MTUS2: variants seen among roughly 807,000 people sequenced by gnomAD.
MTUS2 encodes the protein microtubule associated scaffold protein 2.
In MTUS2, 40 loss-of-function variants were observed where a neutral mutation model predicts 114.1. That is an observed-to-expected ratio of 0.35 (90% confidence interval 0.27 to 0.46). MTUS2 has a LOEUF of 0.46. MTUS2 is among the 20% of genes least tolerant of loss of function. The pLI is 1.00. For missense variants in MTUS2, 1,679 were observed against 1,705.4 expected (o/e 0.98, Z 0.27); for synonymous variants, 688 against 672.0 (o/e 1.02, Z -0.37).
At chr13:29,092,266 C>G (rs1158399403) in intron 4 of MTUS2, among the ~76,000 whole-genome samples, 3 of 152,208 alleles carry the variant, frequency 2.0e-5, no homozygotes, top group Admixed American at 2.0e-4. Context: ...TTTACATATT[C>G]CTACTCTTCC....
chr13:29,150,322 A>C (rs1033277168), intron 5 of MTUS2, among the ~76,000 whole-genome samples: 1 of 151,864 alleles, frequency 6.6e-6, no homozygotes, highest in Admixed American at 6.6e-5. Flanking sequence ...GCATTTTTTC[A>C]TATGTTTATT....
intron 8 of MTUS2, among the ~76,000 whole-genome samples, chr13:29,393,554 C>T (rs9508438): frequency 0.59 from 89,049 of 152,038 alleles, 28,170 homozygotes; most frequent in South Asian, 0.72. Context: ...CAGCCACCAA[C>T]GCAGAAGCCA....
intron 5 of MTUS2, among the ~76,000 whole-genome samples, chr13:29,193,996 G>T (rs976170948): frequency 5.3e-5 from 8 of 151,778 alleles, no homozygotes; most frequent in Admixed American, 3.9e-4. Context: ...AATGGGGAAA[G>T]GATTCCCTAT....
Position 29,416,562 on chromosome 13 carries a change from C to T in MTUS2, c.3118-23421C>T, listed in dbSNP as rs1233077191. ...CCTTTTGCTGAAAAATTTCCAGTCA[C>T]CTATCAGGTGAATAAAGCTCATACA... On this transcript the variant is annotated intron_variant, in intron 8 of 15. Transcript: ENST00000612955. 2.6e-5 allele frequency among the ~76,000 whole-genome samples: 4 copies of T among 151,846 alleles called. No individual in the cohort carries two copies. The East Asian group carries it at 7.7e-4, about 29-fold the overall frequency.
chr13:28,840,945 A>G (rs553068383), intron 2 of MTUS2, among the ~76,000 whole-genome samples: 12 of 152,332 alleles, frequency 7.9e-5, no homozygotes, highest in African/African-American at 2.9e-4. Context: ...AACTAAATTT[A>G]TGACTGAGTT....
chr13:29,045,502 C>T (rs1887572867), intron 4 of MTUS2, among the ~76,000 whole-genome samples: 1 of 152,144 alleles, frequency 6.6e-6, no homozygotes, highest in Non-Finnish European at 1.5e-5. Context: ...TGAGAGGACA[C>T]AAACATTCAG....
chr13:29,380,537 C>T (rs1297097285), intron 8 of MTUS2, among the ~76,000 whole-genome samples: 2 of 152,166 alleles, frequency 1.3e-5, no homozygotes, highest in Non-Finnish European at 2.9e-5. Flanking sequence ...AACTTCCATT[C>T]CTAATAGATT....
intron 4 of MTUS2, chr13:29,072,139 C>G (rs1888968190): frequency 1.3e-5 from 2 of 152,176 alleles, no homozygotes; most frequent in Admixed American, 6.5e-5. Flanking sequence ...CCATCTGTGT[C>G]CTGTTTCCAG....
At chr13:28,928,390 A>C (rs1881437779) in intron 2 of MTUS2, among the ~76,000 whole-genome samples, 1 of 152,210 alleles carries the variant, frequency 6.6e-6, no homozygotes. Flanking sequence ...TATATAAGGA[A>C]CTCAGACAAC....
intron 2 of MTUS2, among the ~76,000 whole-genome samples, chr13:29,018,753 C>A (rs973304188): frequency 1.3e-5 from 2 of 150,118 alleles, no homozygotes; most frequent in Admixed American, 1.3e-4. Flanking sequence ...GAGTGAGATT[C>A]GGTCTCCAGC....
intron 5 of MTUS2, among the ~76,000 whole-genome samples, chr13:29,210,476 G>A (rs770924466): frequency 2.0e-5 from 3 of 152,044 alleles, no homozygotes; most frequent in Non-Finnish European, 4.4e-5. Context: ...GAGCTAGTGT[G>A]ATCTTTTGGG....
rs117800323 is a variant in MTUS2, at chr13:29,389,271, A to G, written c.3117+29798A>G. Among the ~76,000 whole-genome samples, 140 of 98,220 alleles carry G rather than the reference A, an allele frequency of 1.4e-3. 2 individuals are homozygous for G. The highest frequency in any genetic ancestry group is 6.6e-3 in the East Asian group (20 of 3,008). 64.4% of individuals were successfully genotyped at this position (98,220 alleles called of 152,430 possible). The stretch of plus-strand genomic sequence containing the variant: ...TATATGTATACACATGTGTGTATAT[A>G]TGTATATATGTATACACATATGTGT... On this transcript the variant is annotated intron_variant, in intron 8 of 15. Coordinates refer to ENST00000612955, the MANE Select transcript of MTUS2 (RefSeq NM_001033602.4).
rs532544497 is a variant in MTUS2, at chr13:28,860,138, TAAAATC to T, written c.-243+20294_-243+20299del. 5.9e-5 allele frequency among the ~76,000 whole-genome samples: 9 copies of T among 152,336 alleles called. No homozygotes were observed. In the South Asian group the frequency reaches 1.9e-3, roughly 32 times the overall value. On this transcript the variant is annotated intron_variant, in intron 2 of 15. Coordinates refer to ENST00000612955, the MANE Select transcript of MTUS2 (RefSeq NM_001033602.4). ...TGCAGGGAGAGCTTCCATTTGGAGATAAAATCAAAATACAATTTCTAGATTTTATTG... is the reference window on the plus strand; with the variant it reads ...TGCAGGGAGAGCTTCCATTTGGAGATAAAATACAATTTCTAGATTTTATTG...
In MTUS2 at chr13:29,100,846, A is replaced by T; in HGVS notation, c.2520A>T (p.Gly840=). 6.4e-7 allele frequency: 1 copy of T among 1,552,312 alleles called. No homozygotes were observed. The highest frequency in any genetic ancestry group is 8.7e-7 in the Non-Finnish European group (1 of 1,147,354). Residue 840 remains glycine (G), a synonymous_variant, in exon 5 of 16, where the codon GGA becomes GGT. Transcript: ENST00000612955. The part of the protein sequence containing the change: ...NLPKSGLRPP[G]YSRLPAAKLA... ...CGAAATCTGGTCTCCGTCCTCCCGG[A>T]TACTCACGTCTCCCGGCAGCCAAAC...
chr13:28,896,904 A>C (rs1879308025), intron 2 of MTUS2, among the ~76,000 whole-genome samples: 1 of 152,240 alleles, frequency 6.6e-6, no homozygotes, highest in Non-Finnish European at 1.5e-5. Context: ...AATTAATTCA[A>C]GATGGATTTA....
intron 2 of MTUS2, among the ~76,000 whole-genome samples, chr13:28,904,326 C>A (rs1188253156): frequency 6.6e-6 from 1 of 152,116 alleles, no homozygotes; most frequent in Non-Finnish European, 1.5e-5. Context: ...GAAGTCCTTG[C>A]CCATGCCTAT....
At chr13:28,963,007 C>T (rs1883399984) in intron 2 of MTUS2, among the ~76,000 whole-genome samples, 1 of 152,152 alleles carries the variant, frequency 6.6e-6, no homozygotes, top group African/African-American at 2.4e-5. Context: ...TTGAGCCTTC[C>T]TTTCTTTTTT....
At chr13:29,210,747 G>A (rs544235152) in intron 5 of MTUS2, among the ~76,000 whole-genome samples, 1 of 152,162 alleles carries the variant, frequency 6.6e-6, no homozygotes, top group Non-Finnish European at 1.5e-5. Context: ...TGGTACTAGG[G>A]AGTTTCTGCA....
At chr13:28,965,477 A>G (rs1883537278) in intron 2 of MTUS2, among the ~76,000 whole-genome samples, 1 of 152,182 alleles carries the variant, frequency 6.6e-6, no homozygotes, top group Admixed American at 6.5e-5. Context: ...GCCTCTTTGT[A>G]TTGAATGTTA....
Sources: allele counts gnomAD v4.1 joint callset (sites outside exome capture counted in the v4.1 genomes callset), GRCh38; gene constraint gnomAD v4.1.1; transcripts MANE v1.5; gene names NCBI Gene and HGNC (gene_info 2026-07-23, HGNC 2026-07-21).